The following SUPT7L variants were observed in gnomAD, a reference collection of about 807,000 sequenced individuals.
SUPT7L encodes the protein STAGA complex 65 subunit gamma.
SUPT7L carries 15 observed loss-of-function variants against 35.7 expected under a neutral mutation model. The ratio of observed to expected loss-of-function variants is 0.42; its 90% CI spans 0.28 to 0.65. SUPT7L has a LOEUF of 0.65. Ranked by LOEUF, SUPT7L falls within the 30% of genes least tolerant of loss-of-function variation. The probability of loss-of-function intolerance (pLI) is 0.23; values close to 1 mark genes in which losing one functional copy is unlikely to be tolerated. For missense variants in SUPT7L, 434 were observed against 522.2 expected (o/e 0.83, Z 1.65); for synonymous variants, 168 against 186.2 (o/e 0.90, Z 0.79).
chr2:27,650,059 CTAATCAGTTTGTCTAA>C (rs1674450563), downstream of SUPT7L: 5 of 939,758 alleles, frequency 5.3e-6, no homozygotes, highest in South Asian at 6.5e-5. Flanking sequence ...GTGACGGGCT[CTAATCAGTTTGTCTAA>C]TGAAAGAGTT....
At chr2:27,647,377 G>A (rs78470559), downstream of SUPT7L, among the ~76,000 whole-genome samples, 5,285 of 151,926 alleles carry the variant, frequency 0.035, 297 homozygotes, top group African/African-American at 0.12. Context: ...TAATACCCTG[G>A]CTCCTTGATA....
rs1675218753 is a variant in SUPT7L at position 27,663,459 on chromosome 2, C to T, written c.-220G>A. 2.8e-6 allele frequency: 1 copy of T among 357,540 alleles called. No homozygotes were observed. Among genetic ancestry groups the T allele is most frequent in the Non-Finnish European group, 5.3e-6 (1 of 189,476 alleles). 22.1% of individuals were successfully genotyped at this position (357,540 alleles called of 1,614,324 possible). The stretch of plus-strand genomic sequence containing the variant: ...GAGGTCGCCTGACGTTCAGGGCAGC[C>T]GGAAGACGGGGAGGTCTGGACCTGA... On this transcript the variant is annotated 5_prime_UTR_variant, in exon 1 of 6. Transcript: ENST00000337768.
chr2:27,649,977 G>A, downstream of SUPT7L: 1 of 575,962 alleles, frequency 1.7e-6, no homozygotes, highest in Non-Finnish European at 3.2e-6. Context: ...ATGCTTCTAG[G>A]AGACATTTCC....
intron 2 of SUPT7L, 169 bp from the exon 3 acceptor site, chr2:27,661,557 A>T: frequency 7.0e-7 from 1 of 1,433,352 alleles, no homozygotes; most frequent in Non-Finnish European, 9.1e-7. Context: ...GACCACTTAG[A>T]AAAATGTCAG....
intron 5 of SUPT7L, among the ~76,000 whole-genome samples, 183 bp downstream of exon 5, chr2:27,655,182 A>T (rs1215857546): frequency 1.3e-5 from 2 of 152,168 alleles, no homozygotes; most frequent in Non-Finnish European, 2.9e-5. Context: ...TCCTCTCTTC[A>T]CTAATTAGAA....
intron 3 of SUPT7L, among the ~76,000 whole-genome samples, chr2:27,660,349 G>A (rs1350457610): frequency 2.0e-5 from 3 of 151,566 alleles, no homozygotes; most frequent in East Asian, 1.9e-4. Context: ...TCAGCCTCCC[G>A]AGTAGCTGGG....
At chr2:27,658,865 T>C (rs1236198870) in intron 3 of SUPT7L, among the ~76,000 whole-genome samples, 7 of 152,220 alleles carry the variant, frequency 4.6e-5, no homozygotes, top group African/African-American at 1.7e-4. Flanking sequence ...TAGAATAATA[T>C]CTGGACCTCT....
chr2:27,661,115 A>G lies in SUPT7L; in HGVS notation c.288T>C (p.Thr96=), dbSNP rs1336441082. 1 of 1,614,200 alleles carries G rather than the reference A, an allele frequency of 6.2e-7. No homozygotes were observed. The part of the protein sequence containing the change: ...QNQQQTEGVK[T]EESEPLPSCP... Reference sequence around the variant, plus strand: ...ACGAGGGAAGAGGTTCACTCTCTTCAGTTTTTACACCTTCTGTCTGCTGCT... The same window carrying G: ...ACGAGGGAAGAGGTTCACTCTCTTCGGTTTTTACACCTTCTGTCTGCTGCT... The change falls in exon 3 of 6, where the codon ACT becomes ACC. Residue 96 remains threonine (T), a synonymous_variant. Coordinates refer to ENST00000337768, the MANE Select transcript of SUPT7L (RefSeq NM_014860.3).
chr2:27,643,545 G>A, the SUPT7L span, among the ~76,000 whole-genome samples: 1 of 152,112 alleles, frequency 6.6e-6, no homozygotes, highest in Non-Finnish European at 1.5e-5. This position sits in a 1 kb window ranked among gnomAD's most constrained non-coding sequence, Gnocchi z 4.0. Flanking sequence ...TTATTCAGAT[G>A]TAGCCATTTC....
chr2:27,648,921 G>A (rs902530552), downstream of SUPT7L, among the ~76,000 whole-genome samples: 20 of 151,382 alleles, frequency 1.3e-4, no homozygotes, highest in African/African-American at 4.4e-4. Context: ...ACAGGCATGA[G>A]CCACCATGCC....
chr2:27,650,273 C>T (rs560157866), downstream of SUPT7L: 363 of 817,364 alleles, frequency 4.4e-4, 5 homozygotes, highest in South Asian at 5.2e-3. Context: ...ACTGTTCTTA[C>T]CTCTGAACTG....
intron 1 of SUPT7L, 42 bp downstream of exon 1, chr2:27,663,287 T>C (rs1675209426): frequency 6.1e-6 from 1 of 164,040 alleles, no homozygotes; most frequent in Non-Finnish European, 1.4e-5. Context: ...AATAAATGAA[T>C]GAACGAAATA....
At chr2:27,642,952 T>TACACACAC in the SUPT7L span, among the ~76,000 whole-genome samples, 136 of 38,030 alleles carry the variant, frequency 3.6e-3, no homozygotes, top group African/African-American at 6.8e-3. Context: ...TTTATATATA[T>TACACACAC]ATATATACAC....
chr2:27,661,188 T>C lies in SUPT7L; in HGVS notation c.215A>G (p.His72Arg). ...LTIHTIQLIQHNRRLRNLIAT... is the reference protein window; with the variant it reads ...LTIHTIQLIQRNRRLRNLIAT... ...AATAAGGTTGCGAAGACGTCGGTTG[T>C]GCTGAATCAACTGAATCGTATGGAT... is the stretch of plus-strand genomic sequence containing the variant. The change falls in exon 3 of 6, where the codon CAC becomes CGC. Residue 72 changes from histidine (H) to arginine (R), a missense_variant. His to Arg is a conservative substitution (Grantham distance 29). Coordinates refer to ENST00000337768, the MANE Select transcript of SUPT7L (RefSeq NM_014860.3). The C allele has an allele frequency of 6.2e-7, 1 of 1,614,182 alleles. No homozygotes were observed.
chr2:27,648,463 G>A (rs1404290629), downstream of SUPT7L, among the ~76,000 whole-genome samples: 1 of 152,142 alleles, frequency 6.6e-6, no homozygotes, highest in Non-Finnish European at 1.5e-5. Flanking sequence ...AGGCTATTAT[G>A]AGCTATGACT....
At chr2:27,644,475 G>A in the SUPT7L span, among the ~76,000 whole-genome samples, 1 of 151,812 alleles carries the variant, frequency 6.6e-6, no homozygotes, top group Non-Finnish European at 1.5e-5. Flanking sequence ...ATCTTTTATT[G>A]CATCTGGGAT....
chr2:27,655,693 C>A, intron 4 of SUPT7L, 91 bp from the exon 5 acceptor site: 1 of 1,103,834 alleles, frequency 9.1e-7, no homozygotes, highest in South Asian at 1.6e-5. Flanking sequence ...GCCAACAGAA[C>A]ATGAATAACA....
chr2:27,662,200 A>G lies in SUPT7L; in HGVS notation c.-8T>C. On this transcript the variant is annotated 5_prime_UTR_variant, in exon 2 of 6. Transcript: ENST00000337768. ...TCACCTTTGCAGATTCATTGTCCAT[A>G]TGTCTCTTCAAGTTCAACAAACATT... 6.2e-7 allele frequency: 1 copy of G among 1,614,090 alleles called. No individual in the cohort carries two copies. The highest frequency in any genetic ancestry group is 8.5e-7 in the Non-Finnish European group (1 of 1,179,954).
At chr2:27,650,441 A>C, downstream of SUPT7L, 1 of 306,348 alleles carries the variant, frequency 3.3e-6, no homozygotes, top group Non-Finnish European at 6.2e-6. Flanking sequence ...GCAAGGAAGG[A>C]TATACTGAGC....
Sources: allele counts gnomAD v4.1 joint callset (sites outside exome capture counted in the v4.1 genomes callset), GRCh38; gene constraint gnomAD v4.1.1; non-coding constraint Gnocchi (gnomAD v3.1); transcripts MANE v1.5; gene names NCBI Gene and HGNC (gene_info 2026-07-23, HGNC 2026-07-21).